Variants in COG5 observed in about 807,000 individuals in gnomAD.
COG5 encodes the protein conserved oligomeric Golgi complex subunit 5.
Under a neutral mutation model 110.4 loss-of-function variants are expected in COG5, and 86 were observed. That is an observed-to-expected ratio of 0.78 (90% CI 0.65 to 0.93). The LOEUF (loss-of-function observed/expected upper bound fraction) is 0.93, where lower values mean the gene tolerates loss of function less well. COG5 is among the 40% of genes least tolerant of loss of function. COG5 has a pLI of 0.00. For synonymous variants in COG5, 360 were observed against 334.6 expected (o/e 1.08, Z -0.83); for missense variants, 1,077 against 987.0 (o/e 1.09, Z -1.22).
intron 6 of COG5, among the ~76,000 whole-genome samples, chr7:107,432,058 T>C (rs1348393394): frequency 6.6e-6 from 1 of 152,146 alleles, no homozygotes; most frequent in East Asian, 1.9e-4. Context: ...GCATGAACAT[T>C]TTATTGTAAA....
At chr7:107,360,256 G>T (rs116537470) in intron 10 of COG5, among the ~76,000 whole-genome samples, 2,230 of 152,304 alleles carry the variant, frequency 0.015, 53 homozygotes, top group African/African-American at 0.052. Context: ...ACACTTGTGG[G>T]GACGATCTGC....
At chr7:107,511,693 T>C (rs935786627) in intron 6 of COG5, among the ~76,000 whole-genome samples, 17 of 152,110 alleles carry the variant, frequency 1.1e-4, no homozygotes, top group African/African-American at 1.9e-4. Context: ...AAAGCTTATC[T>C]ACCATGATCA....
In COG5 at chr7:107,527,674, G is replaced by A. The variant is rs17404067; in HGVS notation, c.418-317C>T. Among the ~76,000 whole-genome samples the A allele has an allele frequency of 2.3e-3, 356 of 152,106 alleles. 3 individuals carry two copies. Among genetic ancestry groups the A allele is most frequent in the African/African-American group, 7.9e-3 (329 of 41,506 alleles). ...GCATCAAATGTCCTAGGGAACACAC[G>A]GAAGTACTATATTTACATTTTACAA... On this transcript the variant is annotated intron_variant, in intron 5 of 21. Transcript: ENST00000297135.
chr7:107,249,557 T>C (rs918318754), intron 16 of COG5, among the ~76,000 whole-genome samples: 28 of 152,002 alleles, frequency 1.8e-4, no homozygotes, highest in African/African-American at 6.8e-4. Context: ...GATAATATAA[T>C]GAAGATAGAT....
intron 10 of COG5, among the ~76,000 whole-genome samples, chr7:107,341,201 T>C (rs748598985): frequency 7.2e-5 from 11 of 152,018 alleles, no homozygotes; most frequent in African/African-American, 2.4e-4. Context: ...AACCAATGTA[T>C]AAAAATCAGT....
chr7:107,241,402 A>C (rs1339139169), intron 17 of COG5, among the ~76,000 whole-genome samples: 1 of 148,238 alleles, frequency 6.7e-6, no homozygotes, highest in Non-Finnish European at 1.5e-5. Context: ...TCATATATAT[A>C]TATATATCTA....
At chr7:107,291,160 T>A (rs1347015816) in intron 12 of COG5, among the ~76,000 whole-genome samples, 4 of 152,206 alleles carry the variant, frequency 2.6e-5, no homozygotes, top group African/African-American at 9.6e-5. Context: ...ATTACATCTC[T>A]CCTCTCCTTG....
intron 5 of COG5, among the ~76,000 whole-genome samples, chr7:107,531,959 A>T (rs1801243370): frequency 6.6e-6 from 1 of 152,204 alleles, no homozygotes; most frequent in Non-Finnish European, 1.5e-5. Flanking sequence ...GGTATCTGGT[A>T]TAAAAATGTT....
At chr7:107,462,364 C>T (rs1303075120) in intron 6 of COG5, among the ~76,000 whole-genome samples, 1 of 152,142 alleles carries the variant, frequency 6.6e-6, no homozygotes, top group Non-Finnish European at 1.5e-5. Flanking sequence ...CAGATGTTCA[C>T]AGGCATACAC....
chr7:107,560,855 A>G (rs1313310081), intron 1 of COG5, among the ~76,000 whole-genome samples: 1 of 152,218 alleles, frequency 6.6e-6, no homozygotes, highest in Non-Finnish European at 1.5e-5. Context: ...GCAGTTAAAA[A>G]TATAGTTTTA....
rs550637299 is a variant in COG5 at position 107,367,320 on chromosome 7, T to C, written c.836-4900A>G. Among the ~76,000 whole-genome samples the C allele has an allele frequency of 2.8e-4, 42 of 152,072 alleles. 1 individual carries two copies. In the South Asian group the frequency reaches 8.1e-3, roughly 29 times the overall value. On this transcript the variant is annotated intron_variant, in intron 8 of 21. Coordinates refer to ENST00000297135, the MANE Select transcript of COG5 (RefSeq NM_006348.5). Reference sequence around the variant, plus strand: ...TTATGATATCCAGCCAAGGGAGAGATGAATATAGAAATGGAGAGGTCTGGT... The same window carrying C: ...TTATGATATCCAGCCAAGGGAGAGACGAATATAGAAATGGAGAGGTCTGGT...
chr7:107,546,365 G>A (rs1342914366), intron 5 of COG5, among the ~76,000 whole-genome samples: 2 of 147,392 alleles, frequency 1.4e-5, no homozygotes, highest in East Asian at 3.9e-4. Context: ...GATCAGGGCA[G>A]AAATAAATTA....
intron 11 of COG5, among the ~76,000 whole-genome samples, chr7:107,319,482 C>T (rs962462784): frequency 2.0e-5 from 3 of 152,088 alleles, no homozygotes; most frequent in African/African-American, 7.2e-5. Context: ...TTTGTGTGTG[C>T]AGCTGTCTGG....
intron 6 of COG5, among the ~76,000 whole-genome samples, chr7:107,423,720 A>C (rs1250611690): frequency 6.6e-6 from 1 of 152,108 alleles, no homozygotes; most frequent in African/African-American, 2.4e-5. Flanking sequence ...AATATCAAGA[A>C]AATATTAGCA....
Position 107,481,706 on chromosome 7 carries a change from T to C in COG5, c.538+45531A>G, listed in dbSNP as rs190763280. On this transcript the variant is annotated intron_variant, in intron 6 of 21. Coordinates refer to ENST00000297135, the MANE Select transcript of COG5 (RefSeq NM_006348.5). ...TGTACTTTAAAAGTCTCACTCTCAA[T>C]TCTTAAAAAGCTTTGTCTTTTCTTT... Among the ~76,000 whole-genome samples the C allele has an allele frequency of 4.5e-3, 683 of 152,280 alleles. 5 individuals are homozygous for C. The highest frequency in any genetic ancestry group is 0.024 in the Middle Eastern group (7 of 294).
At chr7:107,363,294 A>G (rs1164977820) in intron 8 of COG5, among the ~76,000 whole-genome samples, 1 of 152,230 alleles carries the variant, frequency 6.6e-6, no homozygotes, top group Non-Finnish European at 1.5e-5. Context: ...TATTTGGAGC[A>G]GTGAAAATAC....
chr7:107,525,086 C>T (rs1484332345), intron 6 of COG5, among the ~76,000 whole-genome samples: 2 of 152,116 alleles, frequency 1.3e-5, no homozygotes, highest in Non-Finnish European at 2.9e-5. Flanking sequence ...CACCACCACG[C>T]CCAGCTAATT....
At chr7:107,397,241 G>A (rs1018047518) in intron 7 of COG5, among the ~76,000 whole-genome samples, 1 of 152,194 alleles carries the variant, frequency 6.6e-6, no homozygotes. Context: ...ACTCACAACT[G>A]GCTCTGCCCC....
intron 12 of COG5, among the ~76,000 whole-genome samples, chr7:107,296,121 A>ACCTTCCTT (rs141605638): frequency 7.0e-6 from 1 of 142,954 alleles, no homozygotes; most frequent in African/African-American, 2.6e-5. Flanking sequence ...ACAGTGACCT[A>ACCTTCCTT]CCTTCCTTCC....
Sources: allele counts gnomAD v4.1 joint callset (sites outside exome capture counted in the v4.1 genomes callset), GRCh38; gene constraint gnomAD v4.1.1; transcripts MANE v1.5; gene names NCBI Gene and HGNC (gene_info 2026-07-23, HGNC 2026-07-21).